The following MTIF3 variants were observed in gnomAD, a reference collection of about 807,000 sequenced individuals.
The protein encoded by MTIF3 is translation initiation factor IF-3, mitochondrial.
A neutral mutation model predicts 20.7 loss-of-function variants in MTIF3; 13 were observed. The ratio of observed to expected loss-of-function variants is 0.63; its 90% CI spans 0.41 to 1.00. MTIF3 has a LOEUF of 1.00. Ranked by LOEUF, MTIF3 falls within the 50% of genes least tolerant of loss-of-function variation. The pLI is 0.00. For synonymous variants in MTIF3, 114 were observed against 112.5 expected (o/e 1.01, Z -0.08); for missense variants, 295 against 324.5 (o/e 0.91, Z 0.70).
rs771719622 is a variant in MTIF3, at chr13:27,440,006, T to G, written c.443A>C (p.Lys148Thr). ...QERQRLREME[K>T]ANPKTGPTLR... ...ATACCTACCAGTTTTGGGGTTCGCCTTCTCCATCTCCCTCAGCCTCTGCCG... is the reference window on the plus strand; with the variant it reads ...ATACCTACCAGTTTTGGGGTTCGCCGTCTCCATCTCCCTCAGCCTCTGCCG... Residue 148 changes from lysine to threonine, a missense_variant, in exon 3 of 5, where the codon AAG (lysine) becomes ACG (threonine). Coordinates refer to ENST00000381120, the MANE Select transcript of MTIF3 (RefSeq NM_152912.5). 1 of 1,613,654 alleles carries G rather than the reference T, an allele frequency of 6.2e-7. No homozygotes were observed. Among genetic ancestry groups the G allele is most frequent in the South Asian group, 1.1e-5 (1 of 91,082 alleles).
At chr13:27,445,030 T>C (rs1954131844) in intron 2 of MTIF3, 58 bp downstream of exon 2, 1 of 152,218 alleles carries the variant, frequency 6.6e-6, no homozygotes, top group African/African-American at 2.4e-5. Context: ...GACTATTATA[T>C]TGATTTTTTA....
chr13:27,437,580 C>A (rs1177102860), intron 3 of MTIF3, among the ~76,000 whole-genome samples: 1 of 152,222 alleles, frequency 6.6e-6, no homozygotes, highest in East Asian at 1.9e-4. Flanking sequence ...GTGCACTTAA[C>A]ATCCTTATCT....
chr13:27,444,244 A>T (rs56842598), intron 2 of MTIF3, among the ~76,000 whole-genome samples: 259 of 152,210 alleles, frequency 1.7e-3, no homozygotes, highest in East Asian at 5.8e-3. Context: ...AGGCGGAGCT[A>T]GCAGTGAGCG....
chr13:27,445,023 T>A (rs375853280), intron 2 of MTIF3, 65 bp downstream of exon 2: 6 of 152,336 alleles, frequency 3.9e-5, no homozygotes, highest in East Asian at 1.9e-4. Flanking sequence ...TGCATGGGAC[T>A]ATTATATTGA....
chr13:27,450,126 C>T (rs1954314246), intron 1 of MTIF3: 1 of 152,294 alleles, frequency 6.6e-6, no homozygotes, highest in South Asian at 2.1e-4. Flanking sequence ...GTTGGTAAGT[C>T]GGCGGCGACG....
chr13:27,440,365 GAT>G lies in MTIF3; in HGVS notation c.82_83del (p.Ile28ProfsTer28). On this transcript the variant is annotated frameshift_variant, in exon 3 of 5. Coordinates refer to ENST00000381120, the MANE Select transcript of MTIF3 (RefSeq NM_152912.5). LOFTEE classifies it high-confidence loss of function. ...ACTGTGCTGGTGCTGTCTTTTGCAG[GAT>G]GTGTTTACCAAAACATCTAATGCAA... is the stretch of plus-strand genomic sequence containing the variant. The part of the protein sequence containing the change: ...NSCIRCFGKH[I>X]LQKTAPAQLS... 6.2e-7 allele frequency: 1 copy of G among 1,614,136 alleles called. No homozygotes were observed. Among genetic ancestry groups the G allele is most frequent in the Non-Finnish European group, 8.5e-7 (1 of 1,180,036 alleles).
chr13:27,446,662 T>A (rs867915681), intron 1 of MTIF3, among the ~76,000 whole-genome samples: 5 of 152,366 alleles, frequency 3.3e-5, no homozygotes, highest in Non-Finnish European at 7.3e-5. Flanking sequence ...TCTGGCTTTG[T>A]ACATAATTTT....
chr13:27,439,880 T>C, intron 3 of MTIF3, 109 bp downstream of exon 3: 1 of 911,712 alleles, frequency 1.1e-6, no homozygotes, highest in Non-Finnish European at 1.7e-6. Flanking sequence ...TCATGAATTT[T>C]CTAGTTTCTC....
intron 2 of MTIF3, among the ~76,000 whole-genome samples, chr13:27,443,063 T>G (rs563606712): frequency 6.6e-6 from 1 of 152,324 alleles, no homozygotes; most frequent in Non-Finnish European, 1.5e-5. Flanking sequence ...CCTCTACACC[T>G]TCGGATGTGT....
rs376036117 is a variant in MTIF3 at position 27,440,288 on chromosome 13, G to T, written c.161C>A (p.Ala54Asp). The change falls in exon 3 of 5, where the codon GCC (alanine) becomes GAC (aspartate). Residue 54 changes from alanine to aspartate, a missense_variant. By Grantham distance (126) the Ala-to-Asp change is moderately radical. Transcript: ENST00000381120. ...CTGGGTGTCTTCAGCGGTACTAAAG[G>T]CTTTTGCATGAATTAGGAAGGAGAG... The part of the protein sequence containing the change: ...PRLSFLIHAK[A>D]FSTAEDTQNE... 1 of 1,614,062 alleles carries T rather than the reference G, an allele frequency of 6.2e-7. No individual in the cohort carries two copies. Among genetic ancestry groups the T allele is most frequent in the East Asian group, 2.2e-5 (1 of 44,874 alleles).
chr13:27,437,192 T>C lies in MTIF3; in HGVS notation c.542A>G (p.Gln181Arg), dbSNP rs930934707. ...GACTAGGTGTTTTTTCTTAATCCAC[T>C]GCTGAATCTGTTTAGTCTTTGTGTC... Reference protein sequence around the residue: ...DLDTKTKQIQQWIKKKHLVQI... With the variant: ...DLDTKTKQIQRWIKKKHLVQI... Residue 181 changes from glutamine to arginine, a missense_variant, in exon 4 of 5, where the codon CAG becomes CGG. Transcript: ENST00000381120. 3.1e-6 allele frequency: 5 copies of C among 1,613,990 alleles called. No homozygotes were observed. The African/African-American group carries it at 5.3e-5, about 17-fold the overall frequency.
chr13:27,444,167 G>A (rs927621260), intron 2 of MTIF3, among the ~76,000 whole-genome samples: 1 of 152,124 alleles, frequency 6.6e-6, no homozygotes, highest in African/African-American at 2.4e-5. Context: ...TTAGCTGGGC[G>A]TGGTGGCGGG....
intron 2 of MTIF3, among the ~76,000 whole-genome samples, chr13:27,443,586 T>G (rs1954072587): frequency 6.6e-6 from 1 of 152,220 alleles, no homozygotes; most frequent in African/African-American, 2.4e-5. Context: ...TCTAATATTC[T>G]TGATATATAC....
rs372936576 is a variant in MTIF3 at position 27,449,350 on chromosome 13, A to G, written c.-71+1159T>C. Among the ~76,000 whole-genome samples, 5 of 152,182 alleles carry G rather than the reference A, an allele frequency of 3.3e-5. No homozygotes were observed. The East Asian group carries it at 5.8e-4, about 18-fold the overall frequency. The stretch of plus-strand genomic sequence containing the variant: ...GCTTGAGCCCTGGCAACCAGTTCCC[A>G]CTGCACTGCGGTCACTACACCCAGG... On this transcript the variant is annotated intron_variant, in intron 1 of 4. Coordinates refer to ENST00000381120, the MANE Select transcript of MTIF3 (RefSeq NM_152912.5).
chr13:27,445,801 T>C (rs1056216982), intron 1 of MTIF3, among the ~76,000 whole-genome samples: 7 of 152,064 alleles, frequency 4.6e-5, no homozygotes, highest in Non-Finnish European at 7.4e-5. Flanking sequence ...TTCCAGGGGA[T>C]ACAAGGGCCA....
At chr13:27,442,351 C>T (rs543154388) in intron 2 of MTIF3, among the ~76,000 whole-genome samples, 7 of 152,202 alleles carry the variant, frequency 4.6e-5, no homozygotes, top group African/African-American at 9.6e-5. Context: ...ACCGCCGCGC[C>T]GCTCAACTGC....
At chr13:27,445,643 G>A (rs139899474) in intron 1 of MTIF3, among the ~76,000 whole-genome samples, 27 of 152,312 alleles carry the variant, frequency 1.8e-4, no homozygotes, top group Non-Finnish European at 2.6e-4. Flanking sequence ...CTAAGCCAAC[G>A]TCAGACTCAG....
chr13:27,436,498 CT>C (rs911801007), intron 4 of MTIF3, among the ~76,000 whole-genome samples: 1 of 151,964 alleles, frequency 6.6e-6, no homozygotes, highest in African/African-American at 2.4e-5. Flanking sequence ...ATTAATGCCC[CT>C]ATAAGTACAA....
intron 2 of MTIF3, among the ~76,000 whole-genome samples, chr13:27,444,102 G>C (rs1052963055): frequency 2.6e-5 from 4 of 152,126 alleles, no homozygotes; most frequent in Non-Finnish European, 5.9e-5. Flanking sequence ...AGGAGATCGA[G>C]ACCATCCTGG....
Sources: allele counts gnomAD v4.1 joint callset (sites outside exome capture counted in the v4.1 genomes callset), GRCh38; gene constraint gnomAD v4.1.1; transcripts MANE v1.5; gene names NCBI Gene and HGNC (gene_info 2026-07-23, HGNC 2026-07-21).